PTK2B: variants seen among roughly 807,000 people sequenced by gnomAD.
The protein encoded by PTK2B is protein-tyrosine kinase 2-beta.
PTK2B carries 71 observed loss-of-function variants against 142.9 expected under a neutral mutation model. The ratio of observed to expected loss-of-function variants is 0.50; its 90% confidence interval spans 0.41 to 0.61. The LOEUF (loss-of-function observed/expected upper bound fraction) is 0.61, where lower values mean the gene tolerates loss of function less well. PTK2B is among the 20% of genes least tolerant of loss of function. PTK2B has a pLI of 0.00. For missense variants in PTK2B, 1,105 were observed against 1,320.4 expected, an observed-to-expected ratio of 0.84 and a Z score of 2.53; for synonymous variants, 519 against 503.4, an observed-to-expected ratio of 1.03 and a Z score of -0.42.
At chr8:27,415,322 G>A (rs1411334127) in intron 2 of PTK2B, among the ~76,000 whole-genome samples, 1 of 152,196 alleles carries the variant, frequency 6.6e-6, no homozygotes, top group East Asian at 1.9e-4. Context: ...GCTATTGCTA[G>A]TCTGCATTTC....
intron 1 of PTK2B, among the ~76,000 whole-genome samples, chr8:27,339,712 T>C (rs1804279843): frequency 6.6e-6 from 1 of 152,146 alleles, no homozygotes; most frequent in Non-Finnish European, 1.5e-5. Context: ...GGATTGTGTA[T>C]GGTTGGAGTT....
intron 1 of PTK2B, among the ~76,000 whole-genome samples, chr8:27,345,830 AGCT>A (rs1804679498): frequency 6.6e-6 from 1 of 152,182 alleles, no homozygotes; most frequent in Non-Finnish European, 1.5e-5. Flanking sequence ...CAGATCCAGT[AGCT>A]GCCATGGAGG....
At chr8:27,336,561 A>G (rs1410346508) in intron 1 of PTK2B, among the ~76,000 whole-genome samples, 3 of 152,182 alleles carry the variant, frequency 2.0e-5, no homozygotes, top group African/African-American at 7.2e-5. Context: ...GCTTATTTTC[A>G]TATGTAAACT....
chr8:27,355,583 G>A (rs1334225357), intron 1 of PTK2B, among the ~76,000 whole-genome samples: 2 of 152,222 alleles, frequency 1.3e-5, no homozygotes, highest in Non-Finnish European at 2.9e-5. Flanking sequence ...TACAGCAATA[G>A]TAGGCAACCA....
chr8:27,355,076 T>A lies in PTK2B; in HGVS notation c.-38+29395T>A, dbSNP rs1007506771. On this transcript the variant is annotated intron_variant, in intron 1 of 30. Transcript: ENST00000346049. ...AGGAGCATTAGCTCTAATACTCTGC[T>A]ACAGGCTGTCTAATAACAACCTCCC... is the stretch of plus-strand genomic sequence containing the variant. 2.0e-5 allele frequency among the ~76,000 whole-genome samples: 3 copies of A among 152,222 alleles called. No homozygotes were observed. The East Asian group carries it at 5.8e-4, about 29-fold the overall frequency.
At chr8:27,378,139 CT>C (rs1218235781) in intron 1 of PTK2B, among the ~76,000 whole-genome samples, 3 of 152,146 alleles carry the variant, frequency 2.0e-5, no homozygotes, top group African/African-American at 4.8e-5. Flanking sequence ...TTTCTTTCTG[CT>C]TTTCTCTCCC....
At position 27,440,419 on chromosome 8, in the gene PTK2B, A is replaced by G. The variant is rs1811087531; in HGVS notation, c.2017A>G (p.Thr673Ala). 6.2e-7 allele frequency: 1 copy of G among 1,613,896 alleles called. No homozygotes were observed. The highest frequency in any genetic ancestry group is 8.5e-7 in the Non-Finnish European group (1 of 1,180,004). ...CGACCCCAGTGACCGGCCCCGCTTC[A>G]CCGAGCTGGTGTGCAGCCTCAGGTG... ...DYDPSDRPRFTELVCSLSDVY... is the reference protein window; with the variant it reads ...DYDPSDRPRFAELVCSLSDVY... The change falls in exon 21 of 31, where the codon ACC (threonine) becomes GCC (alanine). Residue 673 changes from threonine (T) to alanine (A), a missense_variant. Coordinates refer to ENST00000346049, the MANE Select transcript of PTK2B (RefSeq NM_173176.3).
intron 1 of PTK2B, among the ~76,000 whole-genome samples, chr8:27,332,850 A>G (rs1344063488): frequency 6.6e-6 from 1 of 152,202 alleles, no homozygotes; most frequent in Non-Finnish European, 1.5e-5. Context: ...GAGTGTTGGG[A>G]TCACAGGCAT....
At chr8:27,316,984 GCAAAAGGCATC>G (rs1803108676) in intron 3 of PTK2B, among the ~76,000 whole-genome samples, 1 of 152,172 alleles carries the variant, frequency 6.6e-6, no homozygotes, top group Non-Finnish European at 1.5e-5. Flanking sequence ...AAATCTGGAG[GCAAAAGGCATC>G]CACTGTTGGT....
At chr8:27,383,350 A>G (rs777389126) in intron 1 of PTK2B, among the ~76,000 whole-genome samples, 5 of 151,880 alleles carry the variant, frequency 3.3e-5, no homozygotes, top group South Asian at 2.1e-4. Flanking sequence ...GGTTCAAGCA[A>G]TTCTCCTGTC....
intron 3 of PTK2B, among the ~76,000 whole-genome samples, chr8:27,317,270 A>G (rs780021317): frequency 1.3e-5 from 2 of 152,218 alleles, no homozygotes; most frequent in African/African-American, 2.4e-5. Flanking sequence ...GAATAAGACC[A>G]TCATGATTGA....
intron 1 of PTK2B, among the ~76,000 whole-genome samples, chr8:27,382,132 G>A (rs1391938318): frequency 6.6e-6 from 1 of 152,102 alleles, no homozygotes; most frequent in African/African-American, 2.4e-5. Context: ...ATTTTTAATA[G>A]AGAGGGGCTT....
intron 2 of PTK2B, among the ~76,000 whole-genome samples, chr8:27,418,845 T>C (rs891090652): frequency 2.0e-5 from 3 of 152,080 alleles, no homozygotes; most frequent in Non-Finnish European, 4.4e-5. Flanking sequence ...CTGGCCAACA[T>C]GATAAAACCC....
At chr8:27,437,030 A>C in intron 15 of PTK2B, 92 bp from the exon 16 acceptor site, 1 of 1,270,958 alleles carries the variant, frequency 7.9e-7, no homozygotes, top group Non-Finnish European at 1.1e-6. Flanking sequence ...TCCTGGCAGC[A>C]AAATCTGCAG....
chr8:27,358,782 G>A (rs1204892789), intron 1 of PTK2B, among the ~76,000 whole-genome samples: 1 of 151,764 alleles, frequency 6.6e-6, no homozygotes, highest in Admixed American at 6.6e-5. Context: ...TCCTCTTGTA[G>A]CCTATTGGTT....
At chr8:27,390,950 T>A (rs1430703645) in intron 1 of PTK2B, among the ~76,000 whole-genome samples, 1 of 152,214 alleles carries the variant, frequency 6.6e-6, no homozygotes, top group East Asian at 1.9e-4. Flanking sequence ...TTGTATGGCT[T>A]ACCAGCCCTG....
At chr8:27,374,450 G>A (rs1034539509) in intron 1 of PTK2B, among the ~76,000 whole-genome samples, 1 of 152,246 alleles carries the variant, frequency 6.6e-6, no homozygotes, top group East Asian at 1.9e-4. Context: ...GGTGGGTCAG[G>A]AGGCAGAGAG....
In PTK2B at chr8:27,422,306, C is replaced by T; in HGVS notation, c.474C>T (p.Leu158=). The part of the protein sequence containing the change: ...RTTLLYFYQQ[L]RNDYMQRYAS... Reference sequence around the variant, plus strand: ...TGCTTGACCTTTCTCCCCACCAGCTCCGGAACGACTACATGCAGCGCTACG... The same window carrying T: ...TGCTTGACCTTTCTCCCCACCAGCTTCGGAACGACTACATGCAGCGCTACG... The change falls in exon 5 of 31, where the codon CTC becomes CTT. Residue 158 remains leucine, a splice_region_variant and synonymous_variant. Transcript: ENST00000346049. 1 of 1,613,316 alleles carries T rather than the reference C, an allele frequency of 6.2e-7. No homozygotes were observed. The highest frequency in any genetic ancestry group is 8.5e-7 in the Non-Finnish European group (1 of 1,179,550).
At chr8:27,420,344 G>A (rs1386528748) in intron 3 of PTK2B, among the ~76,000 whole-genome samples, 3 of 152,194 alleles carry the variant, frequency 2.0e-5, no homozygotes, top group African/African-American at 7.2e-5. Context: ...GAGACAGAAG[G>A]GTGGGGAGGA....
Sources: allele counts gnomAD v4.1 joint callset (sites outside exome capture counted in the v4.1 genomes callset), GRCh38; gene constraint gnomAD v4.1.1; transcripts MANE v1.5; gene names NCBI Gene and HGNC (gene_info 2026-07-23, HGNC 2026-07-21).